Variants in KIF16B observed in about 807,000 individuals in gnomAD.
KIF16B encodes the protein kinesin-like protein KIF16B.
In KIF16B, 98 loss-of-function variants were observed where a neutral mutation model predicts 156.3. The ratio of observed to expected loss-of-function variants is 0.63; its 90% CI spans 0.53 to 0.74. KIF16B has a LOEUF of 0.74. Among genes scored for constraint, KIF16B ranks in the 30% least tolerant of loss-of-function variants. The probability of loss-of-function intolerance (pLI) is 0.00; values close to 1 mark genes in which losing one functional copy is unlikely to be tolerated. For missense variants in KIF16B, 1,421 were observed against 1,606.5 expected, an observed-to-expected ratio of 0.88 and a Z score of 1.97; for synonymous variants, 564 against 583.7, an observed-to-expected ratio of 0.97 and a Z score of 0.49.
At chr20:16,307,878 T>G (rs1386118120) in intron 25 of KIF16B, among the ~76,000 whole-genome samples, 1 of 152,134 alleles carries the variant, frequency 6.6e-6, no homozygotes, top group Non-Finnish European at 1.5e-5. Context: ...ATACCACATT[T>G]ATTAGAACTC....
chr20:16,405,497 T>C (rs1485065074), intron 16 of KIF16B, among the ~76,000 whole-genome samples: 2 of 152,170 alleles, frequency 1.3e-5, no homozygotes, highest in Non-Finnish European at 2.9e-5. Flanking sequence ...TGCAGCTTTC[T>C]TGCTATTTTC....
At chr20:16,329,576 C>T (rs2063914397) in intron 24 of KIF16B, among the ~76,000 whole-genome samples, 1 of 152,186 alleles carries the variant, frequency 6.6e-6, no homozygotes, top group Admixed American at 6.5e-5. Flanking sequence ...CTGAGGCTCT[C>T]ACAATCTTCT....
chr20:16,280,980 G>T (rs939309050), intron 25 of KIF16B, among the ~76,000 whole-genome samples: 2 of 152,168 alleles, frequency 1.3e-5, no homozygotes, highest in Admixed American at 6.5e-5. Flanking sequence ...AGATAAAATT[G>T]TGACCATTTT....
intron 15 of KIF16B, among the ~76,000 whole-genome samples, chr20:16,422,661 T>C (rs2066254641): frequency 6.6e-6 from 1 of 152,124 alleles, no homozygotes; most frequent in African/African-American, 2.4e-5. Context: ...TCTATACAAC[T>C]ATAATGTGTT....
At chr20:16,318,325 T>C (rs554449983) in intron 24 of KIF16B, among the ~76,000 whole-genome samples, 2 of 152,134 alleles carry the variant, frequency 1.3e-5, no homozygotes, top group South Asian at 2.1e-4. Context: ...AGAGAATAAA[T>C]AGTCACGTAG....
chr20:16,362,234 C>T (rs976928492), intron 22 of KIF16B, among the ~76,000 whole-genome samples: 3 of 152,132 alleles, frequency 2.0e-5, no homozygotes, highest in Non-Finnish European at 2.9e-5. Flanking sequence ...ATGCTGAATG[C>T]TAAGGCCCAG....
chr20:16,280,531 C>T (rs969775510), intron 25 of KIF16B, among the ~76,000 whole-genome samples: 2 of 152,140 alleles, frequency 1.3e-5, no homozygotes, highest in African/African-American at 2.4e-5. Context: ...ACAAAGTTTC[C>T]GGTTCATGAG....
At chr20:16,445,708 G>A (rs1020910924) in intron 12 of KIF16B, among the ~76,000 whole-genome samples, 3 of 152,058 alleles carry the variant, frequency 2.0e-5, no homozygotes, top group African/African-American at 7.2e-5. Context: ...GTGCTTACAC[G>A]GTGACACTAA....
intron 1 of KIF16B, among the ~76,000 whole-genome samples, chr20:16,530,280 C>T (rs536044124): frequency 6.6e-6 from 1 of 152,322 alleles, no homozygotes; most frequent in South Asian, 2.1e-4. Flanking sequence ...GATCCTTGCC[C>T]TTGACTATGG....
In KIF16B at chr20:16,489,828, C is replaced by T. The variant is rs542579504; in HGVS notation, c.1302+4463G>A. Among the ~76,000 whole-genome samples the T allele has an allele frequency of 1.4e-3, 219 of 152,190 alleles. 1 individual carries two copies. The highest frequency in any genetic ancestry group is 4.8e-3 in the African/African-American group (201 of 41,518). ...GGGCCTGCGTTTCTAACCAGCTCCC[C>T]GGTGATGTTGATGCTGCTATCCATG... On this transcript the variant is annotated intron_variant, in intron 12 of 25. Coordinates refer to ENST00000354981, the MANE Select transcript of KIF16B (RefSeq NM_024704.5).
At chr20:16,570,306 A>T (rs12481403) in intron 1 of KIF16B, among the ~76,000 whole-genome samples, 8 of 152,142 alleles carry the variant, frequency 5.3e-5, no homozygotes, top group Non-Finnish European at 2.9e-5. Flanking sequence ...GTCAAATCAA[A>T]AAGTTTATAG....
chr20:16,291,217 G>C (rs1446939341), intron 25 of KIF16B, among the ~76,000 whole-genome samples: 1 of 152,162 alleles, frequency 6.6e-6, no homozygotes, highest in African/African-American at 2.4e-5. Flanking sequence ...TCTTTCTTCT[G>C]TGTAAGGGAA....
rs1302648331 is a variant in KIF16B at position 16,379,856 on chromosome 20, T to C, written c.2146A>G (p.Asn716Asp). Residue 716 changes from asparagine to aspartate, a missense_variant, in exon 19 of 26, where the codon AAC becomes GAC. By Grantham distance (23) the Asn-to-Asp change is conservative. Coordinates refer to ENST00000354981, the MANE Select transcript of KIF16B (RefSeq NM_024704.5). Reference protein sequence around the residue: ...QEELQRLKELNNNEKAEKFQI... With the variant: ...QEELQRLKELDNNEKAEKFQI... The stretch of plus-strand genomic sequence containing the variant: ...AACTTCTCAGCCTTCTCGTTGTTGT[T>C]GAGTTCTTTGAGTCGTTGGAGTTCT... The C allele has an allele frequency of 4.3e-6, 7 of 1,613,936 alleles. No individual in the cohort carries two copies. Among genetic ancestry groups the C allele is most frequent in the Non-Finnish European group, 5.9e-6 (7 of 1,179,790 alleles).
chr20:16,395,192 G>T (rs1267110482), intron 17 of KIF16B, among the ~76,000 whole-genome samples: 1 of 103,162 alleles, frequency 9.7e-6, no homozygotes. Context: ...GGGAGAGGAG[G>T]GGAGAGGAGG....
chr20:16,279,836 A>G (rs1365126660), intron 25 of KIF16B, among the ~76,000 whole-genome samples: 1 of 152,226 alleles, frequency 6.6e-6, no homozygotes, highest in African/African-American at 2.4e-5. Flanking sequence ...ACCAAAACAC[A>G]GGCTAATATG....
chr20:16,300,412 C>T (rs1222901919), intron 25 of KIF16B, among the ~76,000 whole-genome samples: 1 of 152,122 alleles, frequency 6.6e-6, no homozygotes, highest in Non-Finnish European at 1.5e-5. Flanking sequence ...AAATTATACT[C>T]TCAAGAAAAA....
chr20:16,526,183 T>C lies in KIF16B; in HGVS notation c.140A>G (p.Asp47Gly). ...GGTCTTGGTCCGTTCTCTTCCTGAG[T>C]CCCCAGTGCCTCCTTCTGGTATCTA... ...NLKIPEGGTGDSGRERTKTFT... is the reference protein window; with the variant it reads ...NLKIPEGGTGGSGRERTKTFT... The change falls in exon 3 of 26, where the codon GAC (aspartate) becomes GGC (glycine). Residue 47 changes from aspartate to glycine, a missense_variant. Asp to Gly is a moderately conservative substitution (Grantham distance 94). Coordinates refer to ENST00000354981, the MANE Select transcript of KIF16B (RefSeq NM_024704.5). 2 of 1,592,820 alleles carry C rather than the reference T, an allele frequency of 1.3e-6. No homozygotes were observed. Among genetic ancestry groups the C allele is most frequent in the Non-Finnish European group, 1.7e-6 (2 of 1,167,776 alleles).
chr20:16,556,143 A>C lies in KIF16B; in HGVS notation c.47+17086T>G, dbSNP rs535765887. Among the ~76,000 whole-genome samples the C allele has an allele frequency of 5.9e-5, 9 of 152,280 alleles. No individual in the cohort carries two copies. In the East Asian group the frequency reaches 1.7e-3, roughly 29 times the overall value. On this transcript the variant is annotated intron_variant, in intron 1 of 25. Coordinates refer to ENST00000354981, the MANE Select transcript of KIF16B (RefSeq NM_024704.5). The stretch of plus-strand genomic sequence containing the variant: ...TTCAGAGGTGGTCCAGTACCAACAG[A>C]ATAAAGGCTGTTCATCTCAGCACTA...
rs375715652 is a variant in KIF16B at position 16,375,322 on chromosome 20, T to G, written c.3198-913A>C. On this transcript the variant is annotated intron_variant, in intron 19 of 25. Transcript: ENST00000354981. ...GCGTCAACTAATCTCCCTCAATTCC[T>G]TCAGCTCTAAAAATCAGAGATTCTG... Among the ~76,000 whole-genome samples the G allele has an allele frequency of 2.6e-5, 4 of 152,326 alleles. No individual in the cohort carries two copies. In the East Asian group the frequency reaches 5.8e-4, roughly 22 times the overall value.
Sources: gnomAD v4.1 joint callset for allele counts (sites outside exome capture counted in the v4.1 genomes callset) on GRCh38, gnomAD v4.1.1 for gene constraint, MANE v1.5 for transcripts, NCBI Gene and HGNC (gene_info 2026-07-23, HGNC 2026-07-21) for gene names.